TRPV3: variants seen among roughly 807,000 people sequenced by gnomAD.
TRPV3 encodes the protein transient receptor potential cation channel subfamily V member 3.
Under a neutral mutation model 87.1 loss-of-function variants are expected in TRPV3, and 88 were observed. That is an observed-to-expected ratio of 1.01 (90% CI 0.85 to 1.21). The LOEUF (loss-of-function observed/expected upper bound fraction) is 1.21, where lower values mean the gene tolerates loss of function less well. TRPV3 is among the 50% of genes most tolerant of loss of function. The probability of loss-of-function intolerance (pLI) is 0.00; values close to 1 mark genes in which losing one functional copy is unlikely to be tolerated. For synonymous variants in TRPV3, 438 were observed against 423.3 expected (o/e 1.03, Z -0.43); for missense variants, 1,054 against 1,030.1 (o/e 1.02, Z -0.32).
In TRPV3 at chr17:3,557,705, C is replaced by T. The variant is rs530321172; in HGVS notation, c.-32G>A. The T allele has an allele frequency of 6.6e-6, 1 of 152,180 alleles. No individual in the cohort carries two copies. The allele number at this position is 152,180 out of a possible 1,614,324, so 9.4% of individuals were successfully genotyped here. ...TGAGGTTCTGGGTGGTCGTGGCAAC[C>T]CTTGCCCTGAGATCACCGCATGTCT... On this transcript the variant is annotated 5_prime_UTR_variant, in exon 1 of 18. Transcript: ENST00000576742. This position sits in a 1 kb window ranked among gnomAD's most constrained non-coding sequence, Gnocchi z 4.5.
chr17:3,544,837 T>A (rs1228141174), intron 3 of TRPV3, among the ~76,000 whole-genome samples, 172 bp from the exon 4 acceptor site: 1 of 152,022 alleles, frequency 6.6e-6, no homozygotes, highest in Non-Finnish European at 1.5e-5. Context: ...CTGTCTCTAC[T>A]AAATTGTCTC....
At chr17:3,519,874 AT>A (rs2074228410) in intron 14 of TRPV3, among the ~76,000 whole-genome samples, 2 of 145,588 alleles carry the variant, frequency 1.4e-5, no homozygotes, top group East Asian at 2.1e-4. Context: ...GGATGGATGG[AT>A]GGATGGATGG....
rs780890549 is a variant in TRPV3 at position 3,532,866 on chromosome 17, G to C, written c.856C>G (p.Gln286Glu). 3.1e-6 allele frequency: 5 copies of C among 1,614,228 alleles called. No homozygotes were observed. The highest frequency in any genetic ancestry group is 1.7e-5 in the Admixed American group (1 of 60,026). Reference sequence around the variant, plus strand: ...GAGTCCCGCGAGGTGATGTCCGTCTGCTCGTGCTCCATCAGCAGCTGCACA... The same window carrying C: ...GAGTCCCGCGAGGTGATGTCCGTCTCCTCGTGCTCCATCAGCAGCTGCACA... ...EIVQLLMEHE[Q>E]TDITSRDSRG... Residue 286 changes from glutamine to glutamate, a missense_variant, in exon 8 of 18, where the codon CAG becomes GAG. Gln to Glu is a conservative substitution (Grantham distance 29). Coordinates refer to ENST00000576742, the MANE Select transcript of TRPV3 (RefSeq NM_145068.4).
intron 8 of TRPV3, 98 bp downstream of exon 8, chr17:3,532,559 G>C: frequency 7.0e-7 from 1 of 1,429,726 alleles, no homozygotes; most frequent in South Asian, 1.3e-5. Flanking sequence ...CTGAGGCTGT[G>C]GTTTGTGAAT....
intron 4 of TRPV3, 43 bp from the exon 5 acceptor site, chr17:3,543,671 C>G: frequency 6.2e-7 from 1 of 1,607,096 alleles, no homozygotes; most frequent in Non-Finnish European, 8.5e-7. Flanking sequence ...CACATCCTCT[C>G]AAGCTCAATC....
chr17:3,526,528 C>T (rs915204353), intron 12 of TRPV3, among the ~76,000 whole-genome samples: 4 of 152,052 alleles, frequency 2.6e-5, no homozygotes, highest in African/African-American at 4.8e-5. Flanking sequence ...AGCCTGTTGC[C>T]GCCTTCTCCA....
chr17:3,545,944 C>T lies in TRPV3; in HGVS notation c.120-673G>A, dbSNP rs566980011. ...GGTGGAGGCTGCAGTGAGCCGAGAC[C>T]GCGCCACTGCACTCCAGGCTGCGTG... On this transcript the variant is annotated intron_variant, in intron 2 of 17. Transcript: ENST00000576742. Among the ~76,000 whole-genome samples, 8 of 148,456 alleles carry T rather than the reference C, an allele frequency of 5.4e-5. No individual in the cohort carries two copies. In the South Asian group the frequency reaches 1.5e-3, roughly 28 times the overall value.
In TRPV3 at chr17:3,530,320, A is replaced by C. The variant is rs1597477379; in HGVS notation, c.1066-117T>G. 23 of 1,018,668 alleles carry C rather than the reference A, an allele frequency of 2.3e-5. No individual in the cohort carries two copies. Among genetic ancestry groups the C allele is most frequent in the Non-Finnish European group, 1.4e-6 (1 of 713,286 alleles). 63.1% of individuals were successfully genotyped at this position (1,018,668 alleles called of 1,614,324 possible). A position where few individuals can be genotyped will look rare whatever the true frequency, so the allele number is the denominator to read the frequency against. ...ATACACCCGCCCAGAATGGGTGGAG[A>C]CCTGCCTCTGCGCCTGGCGCCATGG... is the stretch of plus-strand genomic sequence containing the variant. On this transcript the variant is annotated intron_variant, in intron 8 of 17. Coordinates refer to ENST00000576742, the MANE Select transcript of TRPV3 (RefSeq NM_145068.4). This position sits in a 1 kb window ranked among gnomAD's most constrained non-coding sequence, Gnocchi z 4.0.
intron 6 of TRPV3, among the ~76,000 whole-genome samples, chr17:3,540,129 T>A (rs574171966): frequency 2.6e-5 from 4 of 151,904 alleles, no homozygotes; most frequent in Non-Finnish European, 5.9e-5. Context: ...TTATTTTAGA[T>A]ACAAAAAAAT....
In TRPV3 at chr17:3,513,852, CAG is replaced by C. The variant is rs1028788186; in HGVS notation, c.*63_*64del. 9.0e-6 allele frequency: 12 copies of C among 1,337,606 alleles called. No homozygotes were observed. The African/African-American group carries it at 2.3e-4, about 26-fold the overall frequency. 82.9% of individuals were successfully genotyped at this position (1,337,606 alleles called of 1,614,324 possible). On this transcript the variant is annotated 3_prime_UTR_variant, in exon 18 of 18. Coordinates refer to ENST00000576742, the MANE Select transcript of TRPV3 (RefSeq NM_145068.4). The stretch of plus-strand genomic sequence containing the variant: ...CACCATCCCTCAAAGCCTCTCTGCA[CAG>C]AGTCGGTGACTCCGCCTGCAGCGCC...
rs12600398 is a variant in TRPV3, at chr17:3,530,300, C to G, written c.1066-97G>C. 6.7e-3 allele frequency: 8,676 copies of G among 1,299,952 alleles called. 170 individuals are homozygous for G. The East Asian group carries it at 0.073, about 11-fold the overall frequency. 80.5% of individuals were successfully genotyped at this position (1,299,952 alleles called of 1,614,324 possible). A position where few individuals can be genotyped will look rare whatever the true frequency, so the allele number is the denominator to read the frequency against. On this transcript the variant is annotated intron_variant, in intron 8 of 17. Transcript: ENST00000576742. The surrounding 1 kb of genome is among the most constrained non-coding windows in gnomAD (Gnocchi z 4.0). ...AGGCTGGCTGGGCCCAGGGGATACA[C>G]CCGCCCAGAATGGGTGGAGACCTGC...
rs186730494 is a variant in TRPV3, at chr17:3,540,343, T to C, written c.643+2179A>G. On this transcript the variant is annotated intron_variant, in intron 6 of 17. Coordinates refer to ENST00000576742, the MANE Select transcript of TRPV3 (RefSeq NM_145068.4). ...CGGATGGGTCAGAACGGTGGTGGGG[T>C]TGGTTTCCAGGAAGACAAGAATAAA... Among the ~76,000 whole-genome samples the C allele has an allele frequency of 5.3e-5, 8 of 151,920 alleles. No individual in the cohort carries two copies. In the South Asian group the frequency reaches 8.4e-4, roughly 16 times the overall value.
At chr17:3,514,563 G>A (rs377556064) in intron 17 of TRPV3, 30 bp downstream of exon 17, 24 of 1,528,262 alleles carry the variant, frequency 1.6e-5, no homozygotes, top group Admixed American at 5.0e-5. Context: ...AGACAGGAGC[G>A]GACACCATGT....
chr17:3,542,799 C>G, intron 5 of TRPV3, 101 bp from the exon 6 acceptor site: 1 of 1,258,010 alleles, frequency 7.9e-7, no homozygotes, highest in African/African-American at 1.5e-5. Flanking sequence ...CCCCAAGCCC[C>G]TGCTCCACAT....
chr17:3,514,203 C>G (rs575711983), intron 17 of TRPV3, 192 bp from the exon 18 acceptor site: 3 of 522,372 alleles, frequency 5.7e-6, no homozygotes, highest in Non-Finnish European at 1.0e-5. Context: ...CTCAGCCTCT[C>G]GAGTAGCTGG....
rs755947845 is a variant in TRPV3, at chr17:3,545,178, G to T, written c.213C>A (p.Asn71Lys). Residue 71 changes from asparagine (N) to lysine (K), a missense_variant, in exon 3 of 18, where the codon AAC becomes AAA. Coordinates refer to ENST00000576742, the MANE Select transcript of TRPV3 (RefSeq NM_145068.4). ...GGGCCCGTACTCACCACTGCCGGAT[G>T]TTGGAATCCATGGGCTTGGAGAAGA... Reference protein sequence around the residue: ...PPVFSKPMDSNIRQCISGNCD... With the variant: ...PPVFSKPMDSKIRQCISGNCD... 1 of 1,613,792 alleles carries T rather than the reference G, an allele frequency of 6.2e-7. No homozygotes were observed. The highest frequency in any genetic ancestry group is 1.7e-5 in the Admixed American group (1 of 60,012).
chr17:3,527,640 T>G, intron 11 of TRPV3: 2 of 259,078 alleles, frequency 7.7e-6, no homozygotes, highest in Non-Finnish European at 7.5e-6. Flanking sequence ...GATGGAGAGA[T>G]GGAAAGATGG....
chr17:3,520,678 TGATTA>T (rs2074237517), intron 14 of TRPV3, among the ~76,000 whole-genome samples: 1 of 152,148 alleles, frequency 6.6e-6, no homozygotes, highest in African/African-American at 2.4e-5. Context: ...AGGTAATGCT[TGATTA>T]GGAGATATAC....
At chr17:3,547,190 T>A (rs755899975) in intron 2 of TRPV3, among the ~76,000 whole-genome samples, 1 of 152,204 alleles carries the variant, frequency 6.6e-6, no homozygotes, top group Non-Finnish European at 1.5e-5. Flanking sequence ...GTCAGACGCC[T>A]TCTGAGGGGC....
Sources: gnomAD v4.1 joint callset for allele counts (sites outside exome capture counted in the v4.1 genomes callset) on GRCh38, gnomAD v4.1.1 for gene constraint, Gnocchi (gnomAD v3.1) non-coding constraint, MANE v1.5 for transcripts, NCBI Gene and HGNC (gene_info 2026-07-23, HGNC 2026-07-21) for gene names.